The following SGCZ variants were observed in gnomAD, a reference collection of about 807,000 sequenced individuals.
SGCZ encodes the protein zeta-sarcoglycan.
A neutral mutation model predicts 41.3 loss-of-function variants in SGCZ; 40 were observed. The ratio of observed to expected loss-of-function variants is 0.97; its 90% CI spans 0.75 to 1.26. The LOEUF (loss-of-function observed/expected upper bound fraction) is 1.26. SGCZ is among the 50% of genes most tolerant of loss of function. The pLI, the probability that SGCZ is intolerant of heterozygous loss-of-function variation, is 0.00. For synonymous variants in SGCZ, 206 were observed against 137.5 expected (o/e 1.50, Z -3.49); for missense variants, 552 against 369.8 (o/e 1.49, Z -4.04).
intron 2 of SGCZ, among the ~76,000 whole-genome samples, chr8:14,551,530 T>C (rs966237294): frequency 2.5e-4 from 1 of 4,006 alleles, no homozygotes; most frequent in Non-Finnish European, 4.5e-4. Context: ...ATATAATATA[T>C]ATAATATATA....
intron 2 of SGCZ, among the ~76,000 whole-genome samples, chr8:14,359,474 T>A (rs1803425631): frequency 6.6e-6 from 1 of 152,190 alleles, no homozygotes; most frequent in South Asian, 2.1e-4. Flanking sequence ...AACCATACGT[T>A]ATGCCACAAA....
chr8:14,342,761 G>T (rs1216484024), intron 2 of SGCZ, among the ~76,000 whole-genome samples: 2 of 152,204 alleles, frequency 1.3e-5, no homozygotes, highest in Non-Finnish European at 2.9e-5. Context: ...CCCATTTTCT[G>T]GGGAAAAATT....
intron 2 of SGCZ, among the ~76,000 whole-genome samples, chr8:14,470,497 T>A (rs968285301): frequency 7.2e-5 from 11 of 152,128 alleles, no homozygotes; most frequent in African/African-American, 1.4e-4. Context: ...CTTAAAAAAA[T>A]AGCACAGCAA....
At chr8:14,896,019 T>A (rs1648041034) in intron 1 of SGCZ, among the ~76,000 whole-genome samples, 1 of 152,174 alleles carries the variant, frequency 6.6e-6, no homozygotes, top group African/African-American at 2.4e-5. Context: ...CTCAGTCCAA[T>A]CTCTACTTAG....
chr8:14,600,403 C>T (rs991321882), intron 1 of SGCZ, among the ~76,000 whole-genome samples: 1 of 152,108 alleles, frequency 6.6e-6, no homozygotes, highest in Non-Finnish European at 1.5e-5. Context: ...TTGTGTACTC[C>T]ACATCCTCAC....
At chr8:14,609,325 G>T (rs1008967750) in intron 1 of SGCZ, among the ~76,000 whole-genome samples, 1 of 152,036 alleles carries the variant, frequency 6.6e-6, no homozygotes, top group Non-Finnish European at 1.5e-5. Flanking sequence ...AAATAAATTA[G>T]TTTCTCTGTG....
chr8:14,346,193 G>A (rs934927761), intron 2 of SGCZ, among the ~76,000 whole-genome samples: 2 of 152,006 alleles, frequency 1.3e-5, no homozygotes, highest in Non-Finnish European at 2.9e-5. Context: ...AGAAACTGGG[G>A]TTGTGGAGTG....
At chr8:14,861,192 T>G (rs1213750794) in intron 1 of SGCZ, among the ~76,000 whole-genome samples, 1 of 152,170 alleles carries the variant, frequency 6.6e-6, no homozygotes, top group Non-Finnish European at 1.5e-5. Flanking sequence ...CTAAGAAACA[T>G]AAATGACCAA....
intron 1 of SGCZ, among the ~76,000 whole-genome samples, chr8:14,563,165 C>G (rs1367198797): frequency 6.6e-6 from 1 of 152,186 alleles, no homozygotes; most frequent in Non-Finnish European, 1.5e-5. Flanking sequence ...TCCTCAGAGC[C>G]TCATTACCCC....
intron 1 of SGCZ, among the ~76,000 whole-genome samples, chr8:15,007,854 G>A (rs1022684919): frequency 1.3e-5 from 2 of 152,028 alleles, no homozygotes; most frequent in African/African-American, 4.8e-5. Context: ...ACTTACATAT[G>A]AGAACTATGT....
intron 2 of SGCZ, among the ~76,000 whole-genome samples, chr8:14,482,169 C>T (rs1425701968): frequency 6.6e-6 from 1 of 152,192 alleles, no homozygotes; most frequent in East Asian, 1.9e-4. Context: ...CAGTGAGCAT[C>T]CATCCCTGGT....
At chr8:14,884,363 T>A (rs1055890904) in intron 1 of SGCZ, among the ~76,000 whole-genome samples, 1 of 152,108 alleles carries the variant, frequency 6.6e-6, no homozygotes, top group African/African-American at 2.4e-5. Context: ...TATAACTACA[T>A]AAATAAGTTC....
intron 3 of SGCZ, among the ~76,000 whole-genome samples, chr8:14,302,545 G>T (rs928179835): frequency 6.6e-6 from 1 of 152,048 alleles, no homozygotes; most frequent in Middle Eastern, 3.4e-3. Context: ...CACCCTCTCC[G>T]ATTTCACTCA....
intron 1 of SGCZ, among the ~76,000 whole-genome samples, chr8:15,022,963 G>A (rs1028899410): frequency 3.9e-5 from 6 of 152,156 alleles, no homozygotes; most frequent in African/African-American, 1.2e-4. Flanking sequence ...GACCCGACAG[G>A]TGGATGGGAT....
At chr8:14,188,245 A>G (rs994760691) in intron 4 of SGCZ, among the ~76,000 whole-genome samples, 8 of 152,240 alleles carry the variant, frequency 5.3e-5, no homozygotes, top group African/African-American at 1.9e-4. Flanking sequence ...TTACACAAAG[A>G]ACCTAGTAAA....
intron 1 of SGCZ, among the ~76,000 whole-genome samples, chr8:15,108,477 A>G (rs1806918756): frequency 6.6e-6 from 1 of 152,226 alleles, no homozygotes; most frequent in Non-Finnish European, 1.5e-5. Context: ...TTTGAATGCT[A>G]TGCTGCATAT....
In SGCZ at chr8:14,595,441, A is replaced by C. The variant is rs578052880; in HGVS notation, c.40-40515T>G. Among the ~76,000 whole-genome samples, 60 of 148,244 alleles carry C rather than the reference A, an allele frequency of 4.0e-4. No individual in the cohort carries two copies. In the East Asian group the frequency reaches 7.3e-3, roughly 18 times the overall value. ...CACACACACACACACACACACACAC[A>C]CCATGTACTGATGGGTGGCTGGAAA... On this transcript the variant is annotated intron_variant, in intron 1 of 7. Transcript: ENST00000382080.
At chr8:14,477,881 T>C (rs1801406410) in intron 2 of SGCZ, among the ~76,000 whole-genome samples, 1 of 152,212 alleles carries the variant, frequency 6.6e-6, no homozygotes, top group Admixed American at 6.5e-5. Flanking sequence ...CCTTCAGCTC[T>C]CAATATACAG....
chr8:14,364,286 C>G (rs1475312916), intron 2 of SGCZ, among the ~76,000 whole-genome samples: 5 of 152,058 alleles, frequency 3.3e-5, no homozygotes, highest in African/African-American at 1.2e-4. Context: ...TGTTGGTGGA[C>G]CCCGATGGCT....
Sources: allele counts gnomAD v4.1 joint callset (sites outside exome capture counted in the v4.1 genomes callset), GRCh38; gene constraint gnomAD v4.1.1; transcripts MANE v1.5; gene names NCBI Gene and HGNC (gene_info 2026-07-23, HGNC 2026-07-21).